PARPBP: variants seen among roughly 807,000 people sequenced by gnomAD.
The protein encoded by PARPBP is PARP1 binding protein.
In PARPBP, 52 loss-of-function variants were observed where a neutral mutation model predicts 50.0. The observed-to-expected ratio is 1.04, with a 90% confidence interval of 0.83 to 1.31. The LOEUF (loss-of-function observed/expected upper bound fraction) is 1.31, where lower values mean the gene tolerates loss of function less well. Ranked by LOEUF, PARPBP falls within the 50% of genes most tolerant of loss-of-function variation. The probability of loss-of-function intolerance (pLI) is 0.00; values close to 1 mark genes in which losing one functional copy is unlikely to be tolerated. For missense variants in PARPBP, 697 were observed against 672.0 expected, an observed-to-expected ratio of 1.04 and a Z score of -0.41; for synonymous variants, 244 against 232.1, an observed-to-expected ratio of 1.05 and a Z score of -0.47.
At chr12:102,186,644 A>T (rs1459196853) in intron 9 of PARPBP, among the ~76,000 whole-genome samples, 1 of 152,202 alleles carries the variant, frequency 6.6e-6, no homozygotes, top group Non-Finnish European at 1.5e-5. Context: ...TACCTCCTTA[A>T]ATCCCTGTGA....
chr12:102,141,654 T>A (rs1205657937), intron 2 of PARPBP, among the ~76,000 whole-genome samples: 1 of 152,208 alleles, frequency 6.6e-6, no homozygotes, highest in Non-Finnish European at 1.5e-5. Context: ...TAGTACTTCC[T>A]TCAGGAGCTC....
At chr12:102,154,943 T>C (rs747650463) in intron 4 of PARPBP, 43 of 395,278 alleles carry the variant, frequency 1.1e-4, no homozygotes, top group Middle Eastern at 7.5e-4. Flanking sequence ...AATAAGAACC[T>C]TGGTCTTCAC....
chr12:102,128,320 C>G (rs575328298), intron 2 of PARPBP, among the ~76,000 whole-genome samples: 5 of 152,206 alleles, frequency 3.3e-5, no homozygotes, highest in African/African-American at 9.7e-5. Context: ...CAAGCTCCCC[C>G]TCCCGGGTTC....
intron 3 of PARPBP, chr12:102,148,675 G>A (rs971471461): frequency 7.4e-6 from 3 of 404,664 alleles, no homozygotes; most frequent in Non-Finnish European, 1.3e-5. Flanking sequence ...TTGTTATTTA[G>A]TTGCTATACG....
chr12:102,122,592 AC>A (rs1881323243), intron 1 of PARPBP, among the ~76,000 whole-genome samples: 1 of 152,216 alleles, frequency 6.6e-6, no homozygotes, highest in African/African-American at 2.4e-5. Flanking sequence ...ATGTCTGTAA[AC>A]TCAGAGAAAG....
chr12:102,170,488 G>A (rs1194747212), intron 6 of PARPBP, among the ~76,000 whole-genome samples: 1 of 152,202 alleles, frequency 6.6e-6, no homozygotes, highest in Non-Finnish European at 1.5e-5. Context: ...TATTTGTGTG[G>A]CTAAGCATAT....
chr12:102,123,097 A>G (rs752621243), intron 1 of PARPBP, among the ~76,000 whole-genome samples: 76 of 152,198 alleles, frequency 5.0e-4, no homozygotes, highest in Non-Finnish European at 7.8e-4. Flanking sequence ...AATGTCTACC[A>G]GGGAAGCTTA....
At chr12:102,151,256 C>T (rs1312615887) in intron 3 of PARPBP, among the ~76,000 whole-genome samples, 1 of 152,110 alleles carries the variant, frequency 6.6e-6, no homozygotes, top group East Asian at 1.9e-4. Flanking sequence ...GGCAGTGCAC[C>T]TGCGTGGGCC....
Position 102,175,626 on chromosome 12 carries a change from G to T in PARPBP, c.965G>T (p.Gly322Val). The change falls in exon 7 of 11, where the codon GGT becomes GTT. Residue 322 changes from glycine (G) to valine (V), a missense_variant. Transcript: ENST00000327680. ...RIKNIINSQE[G>V]VVALSTTDIS... ...AAAAATATTATCAATTCTCAAGAAG[G>T]TGTTGTAGCTCTTAGCACCACTGAC... 6.2e-7 allele frequency: 1 copy of T among 1,613,562 alleles called. No individual in the cohort carries two copies. The highest frequency in any genetic ancestry group is 8.5e-7 in the Non-Finnish European group (1 of 1,179,582).
Position 102,196,074 on chromosome 12 carries a change from C to T in PARPBP, c.1523C>T (p.Ser508Leu), listed in dbSNP as rs751591924. 6.2e-7 allele frequency: 1 copy of T among 1,611,702 alleles called. No individual in the cohort carries two copies. The highest frequency in any genetic ancestry group is 8.5e-7 in the Non-Finnish European group (1 of 1,178,606). The change falls in exon 11 of 11, where the codon TCA (serine) becomes TTA (leucine). Residue 508 changes from serine to leucine, a missense_variant. Physicochemically the swap from Ser to Leu is moderately radical, Grantham distance 145. Transcript: ENST00000327680. Reference protein sequence around the residue: ...KSTSQTGNKSSKRKQVDLDGE... With the variant: ...KSTSQTGNKSLKRKQVDLDGE... ...ACCAGTCAGACAGGAAATAAAAGCT[C>T]AAAAAGGAAACAGGTGGATTTGGAT...
chr12:102,174,547 G>C (rs950986312), intron 6 of PARPBP, among the ~76,000 whole-genome samples: 5 of 152,158 alleles, frequency 3.3e-5, no homozygotes, highest in Non-Finnish European at 7.4e-5. Context: ...GAAAGTGGCA[G>C]AGCTGTGATA....
Position 102,197,171 on chromosome 12 carries a change from T to TAAATCAAC in PARPBP, c.*880_*881insAAATCAAC. The TAAATCAAC allele has an allele frequency of 6.2e-7, 1 of 1,609,934 alleles. No individual in the cohort carries two copies. Among genetic ancestry groups the TAAATCAAC allele is most frequent in the Middle Eastern group, 1.7e-4 (1 of 6,054 alleles). On this transcript the variant is annotated 3_prime_UTR_variant, in exon 11 of 11. Coordinates refer to ENST00000327680, the MANE Select transcript of PARPBP (RefSeq NM_017915.5). ...AAGAAATTATGTTTGGAGCCTGTGTTCTGTAAAGAGAAGGTTGATTTGGTT... is the reference window on the plus strand; with the variant it reads ...AAGAAATTATGTTTGGAGCCTGTGTTAAATCAACCTGTAAAGAGAAGGTTGATTTGGTT...
chr12:102,148,078 T>C (rs560296531), intron 2 of PARPBP, among the ~76,000 whole-genome samples, 152 bp from the exon 3 acceptor site: 1 of 152,346 alleles, frequency 6.6e-6, no homozygotes, highest in South Asian at 2.1e-4. Flanking sequence ...CAAAATTGTC[T>C]CATAGTTCAA....
intron 4 of PARPBP, among the ~76,000 whole-genome samples, chr12:102,158,407 AC>A (rs1399329150): frequency 6.6e-6 from 1 of 152,178 alleles, no homozygotes; most frequent in East Asian, 1.9e-4. Flanking sequence ...AAAATGAGTT[AC>A]ACTCATTAAT....
At chr12:102,177,493 A>T (rs548098928) in intron 7 of PARPBP, among the ~76,000 whole-genome samples, 1 of 152,114 alleles carries the variant, frequency 6.6e-6, no homozygotes, top group South Asian at 2.1e-4. Flanking sequence ...TATACATAAT[A>T]TTTTATTATT....
intron 10 of PARPBP, 34 bp from the exon 11 acceptor site, chr12:102,195,917 G>A (rs2137656038): frequency 2.2e-6 from 3 of 1,343,186 alleles, no homozygotes; most frequent in East Asian, 2.3e-5. Context: ...TCAATATCAT[G>A]TAATTCCTTT....
intron 9 of PARPBP, among the ~76,000 whole-genome samples, chr12:102,186,930 C>T (rs1185553766): frequency 6.6e-6 from 1 of 151,540 alleles, no homozygotes; most frequent in Non-Finnish European, 1.5e-5. Context: ...TCATAAACAC[C>T]CAGGTAGTAG....
chr12:102,195,483 T>C (rs1594647752), intron 10 of PARPBP, 36 bp downstream of exon 10: 2 of 1,496,802 alleles, frequency 1.3e-6, no homozygotes, highest in South Asian at 2.4e-5. Context: ...AATAACAATT[T>C]AATTCTAGTC....
At chr12:102,191,675 T>C (rs558392247) in intron 9 of PARPBP, among the ~76,000 whole-genome samples, 1 of 152,260 alleles carries the variant, frequency 6.6e-6, no homozygotes, top group South Asian at 2.1e-4. Context: ...TTACTAATAA[T>C]TTCAAATTAA....
Sources: allele counts gnomAD v4.1 joint callset (sites outside exome capture counted in the v4.1 genomes callset), GRCh38; gene constraint gnomAD v4.1.1; transcripts MANE v1.5; gene names NCBI Gene and HGNC (gene_info 2026-07-23, HGNC 2026-07-21).